The following USP24 variants were observed in gnomAD, a reference collection of about 807,000 sequenced individuals.
USP24 encodes ubiquitin carboxyl-terminal hydrolase 24.
USP24 carries 97 observed loss-of-function variants against 361.6 expected under a neutral mutation model. That is an observed-to-expected ratio of 0.27 (90% CI 0.23 to 0.32). The LOEUF (loss-of-function observed/expected upper bound fraction) is 0.32, where lower values mean the gene tolerates loss of function less well. Ranked by LOEUF, USP24 falls within the 10% of genes least tolerant of loss-of-function variation. USP24 has a pLI of 1.00. For synonymous variants in USP24, 1,098 were observed against 1,124.6 expected, an observed-to-expected ratio of 0.98 and a Z score of 0.47; for missense variants, 2,353 against 3,165.6, an observed-to-expected ratio of 0.74 and a Z score of 6.16.
intron 57 of USP24, 134 bp downstream of exon 57, chr1:55,083,638 A>G (rs1263258705): frequency 1.3e-6 from 1 of 749,180 alleles, no homozygotes; most frequent in Non-Finnish European, 2.1e-6. Context: ...CTTACAAGTA[A>G]TATAATTCAC....
chr1:55,141,409 G>A (rs1392748417), intron 24 of USP24, among the ~76,000 whole-genome samples: 1 of 152,128 alleles, frequency 6.6e-6, no homozygotes, highest in Non-Finnish European at 1.5e-5. Context: ...GGGTGGTCCT[G>A]GTGATGACCT....
intron 38 of USP24, among the ~76,000 whole-genome samples, chr1:55,118,351 G>C (rs916396931): frequency 2.0e-5 from 3 of 152,154 alleles, no homozygotes; most frequent in Admixed American, 6.5e-5. Context: ...CCATTCAATG[G>C]GGAAAGGATA....
rs1347009827 is a variant in USP24, at chr1:55,072,832, T to C, written c.7556A>G (p.Glu2519Gly). Residue 2519 changes from glutamate to glycine, a missense_variant, in exon 65 of 68, where the codon GAG (glutamate) becomes GGG (glycine). Transcript: ENST00000294383. ...KCPAAKEYFK[E>G]NSHHWSWAVQ... Reference sequence around the variant, plus strand: ...AGCCCAGCTCCAGTGGTGGGAATTCTCCTTGAAGTACTCCTTAGCTGCAGG... The same window carrying C: ...AGCCCAGCTCCAGTGGTGGGAATTCCCCTTGAAGTACTCCTTAGCTGCAGG... 6.2e-7 allele frequency: 1 copy of C among 1,608,300 alleles called. No individual in the cohort carries two copies. Among genetic ancestry groups the C allele is most frequent in the Non-Finnish European group, 8.5e-7 (1 of 1,177,306 alleles).
rs1644949221 is a variant in USP24, at chr1:55,072,870, C to G, written c.7527-9G>C. On this transcript the variant is annotated splice_polypyrimidine_tract_variant and intron_variant, in intron 64 of 67. Transcript: ENST00000294383. ...CCTTAGCTGCAGGACACCTGATGAC[C>G]GAGGAGATTTTTATTAGCCAAATTC... is the stretch of plus-strand genomic sequence containing the variant. The G allele has an allele frequency of 6.3e-7, 1 of 1,599,304 alleles. No individual in the cohort carries two copies.
intron 1 of USP24, among the ~76,000 whole-genome samples, chr1:55,196,278 A>C (rs1421467344): frequency 1.3e-5 from 2 of 152,178 alleles, no homozygotes; most frequent in Non-Finnish European, 2.9e-5. Context: ...CTTCGAGCTC[A>C]GTCCTCAGAC....
rs540631075 is a variant in USP24, at chr1:55,067,574, A to C, written c.*1471T>G. 4.6e-5 allele frequency: 7 copies of C among 152,370 alleles called. No homozygotes were observed. Among genetic ancestry groups the C allele is most frequent in the Admixed American group, 4.6e-4 (7 of 15,308 alleles). 9.4% of individuals were successfully genotyped at this position (152,370 alleles called of 1,614,324 possible). A position where few individuals can be genotyped will look rare whatever the true frequency, so the allele number is the denominator to read the frequency against. On this transcript the variant is annotated 3_prime_UTR_variant, in exon 68 of 68. Coordinates refer to ENST00000294383, the MANE Select transcript of USP24 (RefSeq NM_015306.3). ...ACTGGGCCATGGCGAGAGCACAGTA[A>C]TGAGATGCCATCTGCCTGGCCACAT... is the stretch of plus-strand genomic sequence containing the variant.
chr1:55,123,409 C>T, intron 36 of USP24, 38 bp downstream of exon 36: 1 of 1,492,440 alleles, frequency 6.7e-7, no homozygotes. Flanking sequence ...TTGGCCTTTC[C>T]CTGAAAGAGA....
intron 44 of USP24, among the ~76,000 whole-genome samples, chr1:55,100,366 C>T (rs1259074700): frequency 6.6e-6 from 1 of 152,018 alleles, no homozygotes; most frequent in Non-Finnish European, 1.5e-5. Flanking sequence ...CATGGGGGTG[C>T]ATGCCTGTAA....
intron 19 of USP24, 146 bp from the exon 20 acceptor site, chr1:55,146,255 T>C: frequency 1.8e-6 from 1 of 540,584 alleles, no homozygotes; most frequent in East Asian, 3.1e-5. Flanking sequence ...CTTGGAATTC[T>C]GAAATTAAAT....
intron 28 of USP24, among the ~76,000 whole-genome samples, chr1:55,137,176 A>G (rs929350504): frequency 3.3e-5 from 5 of 152,350 alleles, no homozygotes; most frequent in East Asian, 1.9e-4. Context: ...ATCAGCTTCA[A>G]TGAAATGTCA....
Position 55,079,800 on chromosome 1 carries a change from TCA to T in USP24, c.7079-143_7079-142del, listed in dbSNP as rs918638629. Reference sequence around the variant, plus strand: ...CACAGAGTACTCACACACTGAGTACTCACACACTGAGTACTCGCAGAGTACTT... The same window carrying T: ...CACAGAGTACTCACACACTGAGTACTCACACTGAGTACTCGCAGAGTACTT... On this transcript the variant is annotated intron_variant, in intron 59 of 67. Coordinates refer to ENST00000294383, the MANE Select transcript of USP24 (RefSeq NM_015306.3). 3.3e-5 allele frequency: 37 copies of T among 1,137,694 alleles called. No individual in the cohort carries two copies. The Admixed American group carries it at 5.1e-4, about 16-fold the overall frequency. The allele number at this position is 1,137,694 out of a possible 1,614,324, so 70.5% of individuals were successfully genotyped here.
In USP24 at chr1:55,071,819, G is replaced by A; in HGVS notation, c.7795C>T (p.Gln2599Ter). ...PANENGDRHL[Q>*]QGSESPMMIG... ...GGACATGCTGACCGTTATACCTGCT[G>A]TAGATGCCTGTCTCCGTTCTCATTG... Residue 2599 changes from glutamine to a stop codon, truncating the protein, a stop_gained, in exon 67 of 68, where the codon CAG (glutamine) becomes TAG (stop). Transcript: ENST00000294383. LOFTEE classifies it high-confidence loss of function. The A allele has an allele frequency of 6.2e-7, 1 of 1,611,978 alleles. No individual in the cohort carries two copies. Among genetic ancestry groups the A allele is most frequent in the Non-Finnish European group, 8.5e-7 (1 of 1,179,064 alleles).
In USP24 at chr1:55,088,693, T is replaced by C. The variant is rs141611713; in HGVS notation, c.6668+934A>G. Among the ~76,000 whole-genome samples, 589 of 152,030 alleles carry C rather than the reference T, an allele frequency of 3.9e-3. 5 individuals are homozygous for C. Among genetic ancestry groups the C allele is most frequent in the African/African-American group, 0.013 (547 of 41,470 alleles). On this transcript the variant is annotated intron_variant, in intron 55 of 67. Coordinates refer to ENST00000294383, the MANE Select transcript of USP24 (RefSeq NM_015306.3). ...AGTGAAGGAGGAGCCCACTGGGGAA[T>C]AGAGGAGACAGGACACCAGAGACCA...
intron 38 of USP24, among the ~76,000 whole-genome samples, chr1:55,111,827 T>A (rs1371110238): frequency 1.3e-5 from 2 of 152,202 alleles, no homozygotes; most frequent in East Asian, 3.8e-4. Context: ...ACATCTGGAA[T>A]GTTAAAACAG....
In USP24 at chr1:55,069,868, A is replaced by G. The variant is rs530671194; in HGVS notation, c.7801-761T>C. Reference sequence around the variant, plus strand: ...AGCCTGGGTGACAGAGCAACACTCCATCTCAAAAAAAAAAAAAAAAAAAAA... The same window carrying G: ...AGCCTGGGTGACAGAGCAACACTCCGTCTCAAAAAAAAAAAAAAAAAAAAA... On this transcript the variant is annotated intron_variant, in intron 67 of 67. Coordinates refer to ENST00000294383, the MANE Select transcript of USP24 (RefSeq NM_015306.3). Among the ~76,000 whole-genome samples the G allele has an allele frequency of 2.0e-4, 16 of 80,818 alleles. No homozygotes were observed. In the South Asian group the frequency reaches 9.6e-3, roughly 48 times the overall value. The allele number at this position is 80,818 out of a possible 152,430, so 53.0% of individuals were successfully genotyped here.
At chr1:55,166,470 T>C in intron 6 of USP24, 98 bp downstream of exon 6, 1 of 1,112,150 alleles carries the variant, frequency 9.0e-7, no homozygotes. Context: ...TTTTTATTAT[T>C]CTCTGCAGCT....
At chr1:55,137,951 T>C in intron 26 of USP24, 47 bp from the exon 27 acceptor site, 1 of 1,522,316 alleles carries the variant, frequency 6.6e-7, no homozygotes, top group Non-Finnish European at 8.9e-7. Context: ...ATTTATTTAT[T>C]CATTTAAACA....
chr1:55,073,805 C>A, intron 64 of USP24, 23 bp downstream of exon 64: 1 of 1,551,232 alleles, frequency 6.4e-7, no homozygotes, highest in South Asian at 1.2e-5. Context: ...CATTTCCTCC[C>A]TGCATTTTAA....
chr1:55,106,439 T>C lies in USP24; in HGVS notation c.4763-176A>G, dbSNP rs562750982. Among the ~76,000 whole-genome samples, 4 of 152,240 alleles carry C rather than the reference T, an allele frequency of 2.6e-5. No individual in the cohort carries two copies. In the East Asian group the frequency reaches 7.7e-4, roughly 29 times the overall value. ...TTACTACATGGCAAAGCTTGTGGGG[T>C]AGACTACAAAGGGGACAGAATACAA... On this transcript the variant is annotated intron_variant, in intron 40 of 67. Transcript: ENST00000294383.
Sources: allele counts gnomAD v4.1 joint callset (sites outside exome capture counted in the v4.1 genomes callset), GRCh38; gene constraint gnomAD v4.1.1; transcripts MANE v1.5; gene names NCBI Gene and HGNC (gene_info 2026-07-23, HGNC 2026-07-21).